OR6N1: variants seen among roughly 807,000 people sequenced by gnomAD.
The protein encoded by OR6N1 is olfactory receptor 6N1.
For missense variants in OR6N1, 394 were observed against 371.7 expected (o/e 1.06, Z -0.49); for synonymous variants, 170 against 150.7 (o/e 1.13, Z -0.94).
intron 1 of OR6N1, among the ~76,000 whole-genome samples, chr1:158,771,727 GAAAC>G (rs986081787): frequency 3.3e-5 from 5 of 152,066 alleles, no homozygotes; most frequent in East Asian, 1.9e-4. Flanking sequence ...TTTAAAAAAC[GAAAC>G]AAACAAACAA....
At chr1:158,839,726 C>T in the OR6N1 span, among the ~76,000 whole-genome samples, 1 of 152,148 alleles carries the variant, frequency 6.6e-6, no homozygotes, top group African/African-American at 2.4e-5. Flanking sequence ...AAGAAAAACA[C>T]CTAGAAGTTT....
the OR6N1 span, among the ~76,000 whole-genome samples, chr1:158,790,632 C>T: frequency 6.6e-6 from 1 of 152,104 alleles, no homozygotes; most frequent in Non-Finnish European, 1.5e-5. Flanking sequence ...TCTCGATCTC[C>T]TGACCTCGTG....
the OR6N1 span, among the ~76,000 whole-genome samples, chr1:158,819,551 G>T: frequency 1.3e-5 from 2 of 152,114 alleles, no homozygotes. Context: ...CAAGTTAGTT[G>T]CTTGACTCCT....
At chr1:158,787,939 G>T in the OR6N1 span, among the ~76,000 whole-genome samples, 1,800 of 152,226 alleles carry the variant, frequency 0.012, 38 homozygotes, top group African/African-American at 0.041. Flanking sequence ...GACGCAGGCA[G>T]TGTCCTTTGT....
the OR6N1 span, among the ~76,000 whole-genome samples, chr1:158,810,165 G>A: frequency 6.6e-6 from 1 of 152,126 alleles, no homozygotes; most frequent in African/African-American, 2.4e-5. Context: ...TTGGAAAATG[G>A]TTATGGGTTT....
chr1:158,777,353 C>A, the OR6N1 span: 8 of 1,614,012 alleles, frequency 5.0e-6, no homozygotes, highest in Middle Eastern at 1.6e-4. Flanking sequence ...AGGCATCCTG[C>A]AAAAGAAATG....
chr1:158,795,835 G>A, the OR6N1 span, among the ~76,000 whole-genome samples: 3 of 152,162 alleles, frequency 2.0e-5, no homozygotes, highest in African/African-American at 7.2e-5. Context: ...CACAGTGTAG[G>A]CTGCTGCACA....
chr1:158,807,362 A>G, the OR6N1 span, among the ~76,000 whole-genome samples: 1 of 152,358 alleles, frequency 6.6e-6, no homozygotes, highest in South Asian at 2.1e-4. Flanking sequence ...AATGGAAAGT[A>G]TTCAAGATTA....
At position 158,766,155 on chromosome 1, in the gene OR6N1, G is replaced by A. The variant is rs138618527; in HGVS notation, c.528C>T (p.His176=). The A allele has an allele frequency of 6.4e-4, 1,036 of 1,614,176 alleles. 7 individuals are homozygous for A. Among genetic ancestry groups the A allele is most frequent in the South Asian group, 4.6e-3 (415 of 91,088 alleles). Residue 176 remains histidine, a synonymous_variant, in exon 2 of 2, where the codon CAC becomes CAT. Coordinates refer to ENST00000641846, the MANE Select transcript of OR6N1 (RefSeq NM_001005185.2). The part of the protein sequence containing the change: ...LPFCGPNRIQ[H]VFCDFPPVLS... The stretch of plus-strand genomic sequence containing the variant: ...GCACAGGAGGGAAGTCACAAAAGAC[G>A]TGCTGAATGCGATTGGGGCCACAGA...
the OR6N1 span, among the ~76,000 whole-genome samples, chr1:158,834,309 T>C: frequency 1.3e-5 from 2 of 149,234 alleles, no homozygotes; most frequent in Non-Finnish European, 3.0e-5. Context: ...CTCGACTCAC[T>C]GCAAGCTCCG....
chr1:158,811,071 T>C, the OR6N1 span, among the ~76,000 whole-genome samples: 2 of 152,192 alleles, frequency 1.3e-5, no homozygotes, highest in Non-Finnish European at 2.9e-5. Flanking sequence ...TGAGTGTTGT[T>C]CTCCTCTATG....
chr1:158,806,003 AATT>A, the OR6N1 span, among the ~76,000 whole-genome samples: 2 of 152,294 alleles, frequency 1.3e-5, no homozygotes, highest in South Asian at 4.1e-4. Flanking sequence ...CAGTTTTAGT[AATT>A]ATTATTACTA....
At chr1:158,777,716 C>G in the OR6N1 span, 102,845 of 839,124 alleles carry the variant, frequency 0.12, 7,096 homozygotes, top group East Asian at 0.13. Flanking sequence ...TCATTTCTCT[C>G]TCTCTCTTTT....
chr1:158,809,190 AC>A, the OR6N1 span: 6 of 152,938 alleles, frequency 3.9e-5, no homozygotes, highest in African/African-American at 1.2e-4. Context: ...ATCTAACTGT[AC>A]CAGGACAATG....
chr1:158,788,794 A>C, the OR6N1 span, among the ~76,000 whole-genome samples: 1 of 152,162 alleles, frequency 6.6e-6, no homozygotes, highest in African/African-American at 2.4e-5. Flanking sequence ...CCCATTAATC[A>C]ATATTTCCTT....
At chr1:158,787,186 C>T in the OR6N1 span, among the ~76,000 whole-genome samples, 18,715 of 151,884 alleles carry the variant, frequency 0.12, 1,315 homozygotes, top group African/African-American at 0.18. Flanking sequence ...TCTCCTCCCC[C>T]TCTTGCTCTC....
At chr1:158,808,159 A>G in the OR6N1 span, among the ~76,000 whole-genome samples, 2 of 99,496 alleles carry the variant, frequency 2.0e-5, no homozygotes, top group African/African-American at 8.0e-5. Flanking sequence ...TTTTTTTAAG[A>G]CGGAGTCTTG....
At chr1:158,798,517 G>A in the OR6N1 span, among the ~76,000 whole-genome samples, 7 of 151,544 alleles carry the variant, frequency 4.6e-5, no homozygotes, top group East Asian at 1.3e-3. Flanking sequence ...CAAACATATG[G>A]ACATGTGAAA....
At chr1:158,785,040 G>A in the OR6N1 span, among the ~76,000 whole-genome samples, 2 of 152,098 alleles carry the variant, frequency 1.3e-5, no homozygotes, top group African/African-American at 4.8e-5. Flanking sequence ...GAGGGCAGAG[G>A]CCATCTTTGT....
Sources: gnomAD v4.1 joint callset for allele counts (sites outside exome capture counted in the v4.1 genomes callset) on GRCh38, gnomAD v4.1.1 for gene constraint, MANE v1.5 for transcripts, NCBI Gene and HGNC (gene_info 2026-07-23, HGNC 2026-07-21) for gene names.